Variants in CSMD1 observed in about 807,000 individuals in gnomAD.
CSMD1 encodes CUB and Sushi multiple domains 1.
A neutral mutation model predicts 417.5 loss-of-function variants in CSMD1; 213 were observed. The ratio of observed to expected loss-of-function variants is 0.51; its 90% CI spans 0.46 to 0.57. The LOEUF is 0.57. Ranked by LOEUF, CSMD1 falls within the 20% of genes least tolerant of loss-of-function variation. The pLI is 0.00. For missense variants in CSMD1, 6,923 were observed against 4,529.7 expected (o/e 1.53, Z -15.17); for synonymous variants, 2,862 against 1,736.8 (o/e 1.65, Z -16.11).
At chr8:3,833,179 T>C (rs932425200) in intron 5 of CSMD1, among the ~76,000 whole-genome samples, 3 of 152,192 alleles carry the variant, frequency 2.0e-5, no homozygotes, top group African/African-American at 7.2e-5. Context: ...ATAATCACTT[T>C]AATTTGTCCA....
intron 2 of CSMD1, among the ~76,000 whole-genome samples, chr8:4,633,617 C>G (rs1265043687): frequency 6.6e-6 from 1 of 151,756 alleles, no homozygotes; most frequent in African/African-American, 2.4e-5. Context: ...AGTGCAGTGG[C>G]ATGATCTGCA....
At chr8:4,139,125 C>G (rs932500548) in intron 3 of CSMD1, among the ~76,000 whole-genome samples, 1 of 152,174 alleles carries the variant, frequency 6.6e-6, no homozygotes, top group African/African-American at 2.4e-5. Flanking sequence ...CCCTGTGATT[C>G]TAATCCTGGA....
rs117645347 is a variant in CSMD1 at position 3,939,298 on chromosome 8, A to C, written c.818+58605T>G. Among the ~76,000 whole-genome samples, 1,495 of 152,286 alleles carry C rather than the reference A, an allele frequency of 9.8e-3. 22 individuals carry two copies. Among genetic ancestry groups the C allele is most frequent in the African/African-American group, 0.034 (1,401 of 41,564 alleles). On this transcript the variant is annotated intron_variant, in intron 5 of 69. Coordinates refer to ENST00000635120, the MANE Select transcript of CSMD1 (RefSeq NM_033225.6). ...TAATTATCAGAGAAATGCAAATTAAAACCGCAATGAGATACCACCTTACTC... is the reference window on the plus strand; with the variant it reads ...TAATTATCAGAGAAATGCAAATTAACACCGCAATGAGATACCACCTTACTC...
chr8:3,023,560 T>TG (rs1809615966), intron 51 of CSMD1, among the ~76,000 whole-genome samples: 1 of 152,138 alleles, frequency 6.6e-6, no homozygotes, highest in South Asian at 2.1e-4. Flanking sequence ...AGGGTGACTA[T>TG]GCTCTCCTGT....
At chr8:3,586,097 A>G (rs753576398) in intron 9 of CSMD1, 39 bp downstream of exon 9, 1 of 1,589,214 alleles carries the variant, frequency 6.3e-7, no homozygotes. Context: ...ACCTTAAAGA[A>G]AGAGATAATC....
At chr8:4,406,728 C>T (rs984515063) in intron 3 of CSMD1, among the ~76,000 whole-genome samples, 1 of 152,066 alleles carries the variant, frequency 6.6e-6, no homozygotes, top group Non-Finnish European at 1.5e-5. Flanking sequence ...CCAAATGATA[C>T]CAGAGAATGT....
At chr8:4,313,150 T>C (rs1285649487) in intron 3 of CSMD1, among the ~76,000 whole-genome samples, 5 of 152,202 alleles carry the variant, frequency 3.3e-5, no homozygotes, top group Non-Finnish European at 7.3e-5. Context: ...AAGCTGGAAC[T>C]GGTCTTTAAT....
chr8:3,400,462 G>C lies in CSMD1; in HGVS notation c.2267-933C>G, dbSNP rs576692152. ...GTTTATATCATTTTAGCCATGTTTT[G>C]ATGCTAGAAAAAATGTGAATTAGTG... On this transcript the variant is annotated intron_variant, in intron 15 of 69. Transcript: ENST00000635120. Among the ~76,000 whole-genome samples, 5 of 152,070 alleles carry C rather than the reference G, an allele frequency of 3.3e-5. No individual in the cohort carries two copies. In the East Asian group the frequency reaches 9.7e-4, roughly 29 times the overall value.
At chr8:3,382,886 A>C (rs538773306) in intron 18 of CSMD1, among the ~76,000 whole-genome samples, 1 of 152,210 alleles carries the variant, frequency 6.6e-6, no homozygotes, top group African/African-American at 2.4e-5. Context: ...GGATTTCTTT[A>C]GTTTTCCAAG....
intron 10 of CSMD1, among the ~76,000 whole-genome samples, chr8:3,509,451 G>A (rs901217768): frequency 2.6e-5 from 4 of 152,106 alleles, no homozygotes; most frequent in Admixed American, 1.3e-4. Flanking sequence ...CCTTCTATAG[G>A]CAAGGAGTCT....
intron 7 of CSMD1, among the ~76,000 whole-genome samples, chr8:3,618,026 G>C (rs1357493614): frequency 6.6e-6 from 1 of 152,134 alleles, no homozygotes; most frequent in East Asian, 1.9e-4. Flanking sequence ...TTTTGAGACA[G>C]GATCTCACTC....
At chr8:4,118,128 G>C (rs1405948875) in intron 3 of CSMD1, among the ~76,000 whole-genome samples, 1 of 152,078 alleles carries the variant, frequency 6.6e-6, no homozygotes, top group African/African-American at 2.4e-5. Context: ...GAATAGTGAG[G>C]AAACGGCCCT....
intron 2 of CSMD1, among the ~76,000 whole-genome samples, chr8:4,432,411 G>T (rs1376895558): frequency 6.6e-6 from 1 of 152,098 alleles, no homozygotes; most frequent in Non-Finnish European, 1.5e-5. Flanking sequence ...ATGTTATGTT[G>T]ATTTCCTAGA....
At chr8:3,516,578 C>G (rs1797291262) in intron 10 of CSMD1, among the ~76,000 whole-genome samples, 1 of 152,022 alleles carries the variant, frequency 6.6e-6, no homozygotes, top group African/African-American at 2.4e-5. Flanking sequence ...CTTTCAGTGG[C>G]CACAGAAATT....
intron 6 of CSMD1, among the ~76,000 whole-genome samples, chr8:3,719,429 T>C (rs1416500145): frequency 6.6e-6 from 1 of 152,188 alleles, no homozygotes; most frequent in East Asian, 1.9e-4. Flanking sequence ...CTCATTCTTT[T>C]TCCAGGCACA....
At chr8:3,886,833 T>C (rs1391962937) in intron 5 of CSMD1, among the ~76,000 whole-genome samples, 1 of 152,142 alleles carries the variant, frequency 6.6e-6, no homozygotes, top group East Asian at 1.9e-4. Flanking sequence ...TGAACACAGA[T>C]CTAATTCAAA....
At chr8:3,097,197 A>G (rs1815369227) in intron 46 of CSMD1, among the ~76,000 whole-genome samples, 160 bp from the exon 47 acceptor site, 1 of 152,210 alleles carries the variant, frequency 6.6e-6, no homozygotes. Context: ...AGGGAGGGCA[A>G]CATTGAATAA....
chr8:4,795,674 A>C (rs1167355291), intron 1 of CSMD1, among the ~76,000 whole-genome samples: 2 of 152,124 alleles, frequency 1.3e-5, no homozygotes, highest in Admixed American at 6.5e-5. Flanking sequence ...TATGGAAAAT[A>C]ATTATCTTCT....
intron 42 of CSMD1, among the ~76,000 whole-genome samples, chr8:3,110,766 TCTAC>T (rs1563054743): frequency 3.3e-5 from 5 of 152,122 alleles, no homozygotes; most frequent in East Asian, 1.9e-4. Flanking sequence ...GTCATCTAAG[TCTAC>T]TTGCCTTAAA....
Sources: gnomAD v4.1 joint callset for allele counts (sites outside exome capture counted in the v4.1 genomes callset) on GRCh38, gnomAD v4.1.1 for gene constraint, MANE v1.5 for transcripts, NCBI Gene and HGNC (gene_info 2026-07-23, HGNC 2026-07-21) for gene names.